Variants in MYCBP observed in about 807,000 individuals in gnomAD.
MYCBP encodes the protein MYC binding protein, also known as C-Myc-binding protein.
In MYCBP, 5 loss-of-function variants were observed where a neutral mutation model predicts 16.8. The ratio of observed to expected loss-of-function variants is 0.30; its 90% CI spans 0.16 to 0.63. The LOEUF (loss-of-function observed/expected upper bound fraction) is 0.63, where lower values mean the gene tolerates loss of function less well. MYCBP is among the 20% of genes least tolerant of loss of function. The probability of loss-of-function intolerance (pLI) is 0.83; values close to 1 mark genes in which losing one functional copy is unlikely to be tolerated. For missense variants in MYCBP, 103 were observed against 121.8 expected, an observed-to-expected ratio of 0.85 and a Z score of 0.73; for synonymous variants, 35 against 43.7, an observed-to-expected ratio of 0.80 and a Z score of 0.79.
At chr1:38,871,320 A>G (rs1271479453) in intron 2 of MYCBP, among the ~76,000 whole-genome samples, 2 of 106,866 alleles carry the variant, frequency 1.9e-5, no homozygotes, top group African/African-American at 5.1e-5. Flanking sequence ...GCCTCCTTAG[A>G]CTTCCTGAAA....
In MYCBP at chr1:38,869,081, G is replaced by T. The variant is rs868447192; in HGVS notation, c.89-1471C>A. ...CACTATTTTTTGAGAAATTCATTTG[G>T]TTTTTTTTTTTTGTTTTTTTTTTTG... On this transcript the variant is annotated intron_variant, in intron 2 of 4. Transcript: ENST00000397572. 5.3e-3 allele frequency among the ~76,000 whole-genome samples: 730 copies of T among 139,024 alleles called. 6 individuals are homozygous for T. The highest frequency in any genetic ancestry group is 0.017 in the African/African-American group (669 of 38,248). The allele number at this position is 139,024 out of a possible 152,430, so 91.2% of individuals were successfully genotyped here.
intron 2 of MYCBP, among the ~76,000 whole-genome samples, chr1:38,869,380 A>T (rs1472999733): frequency 6.6e-6 from 1 of 151,938 alleles, no homozygotes; most frequent in Non-Finnish European, 1.5e-5. Flanking sequence ...GAGCCACCAC[A>T]CCTGGCCAAA....
chr1:38,873,309 G>A lies in MYCBP; in HGVS notation c.-4C>T, dbSNP rs201490096. 2.5e-6 allele frequency: 4 copies of A among 1,602,180 alleles called. No individual in the cohort carries two copies. The highest frequency in any genetic ancestry group is 1.3e-5 in the African/African-American group (1 of 74,886). On this transcript the variant is annotated 5_prime_UTR_variant, in exon 1 of 5. Transcript: ENST00000397572. ...CCCTCACTTTGTAATGGGCCATAGT[G>A]ACAGCGGCAGCGGCGTAGCTGGCGC...
intron 2 of MYCBP, 37 bp from the exon 3 acceptor site, chr1:38,867,647 TATTA>T (rs1642368848): frequency 6.3e-7 from 1 of 1,592,964 alleles, no homozygotes; most frequent in African/African-American, 1.3e-5. Flanking sequence ...ACAATTGACG[TATTA>T]AATTTGAATG....
chr1:38,871,930 C>A (rs1035898540), intron 2 of MYCBP, among the ~76,000 whole-genome samples: 4 of 152,114 alleles, frequency 2.6e-5, no homozygotes, highest in African/African-American at 9.7e-5. Flanking sequence ...AGTTTTTAGA[C>A]GGAATGACAT....
chr1:38,873,362 C>T, upstream of MYCBP: 1 of 1,577,308 alleles, frequency 6.3e-7, no homozygotes, highest in Non-Finnish European at 8.6e-7. Flanking sequence ...GGGTTGGGAG[C>T]AGCACTGCTC....
At chr1:38,869,083 T>G (rs558076120) in intron 2 of MYCBP, among the ~76,000 whole-genome samples, 7 of 150,114 alleles carry the variant, frequency 4.7e-5, no homozygotes, top group Admixed American at 6.7e-5. Context: ...TTCATTTGGT[T>G]TTTTTTTTTT....
intron 2 of MYCBP, 88 bp from the exon 3 acceptor site, chr1:38,867,698 T>C (rs1050453224): frequency 8.9e-7 from 1 of 1,126,832 alleles, no homozygotes; most frequent in East Asian, 2.4e-5. Context: ...AAATATTAGG[T>C]GCCAACTATA....
chr1:38,870,022 T>C (rs921091135), intron 2 of MYCBP, among the ~76,000 whole-genome samples: 18 of 151,580 alleles, frequency 1.2e-4, no homozygotes, highest in African/African-American at 4.1e-4. Flanking sequence ...CAAAAAAAAT[T>C]AGCCGGGCAT....
chr1:38,870,822 AAAAAAAC>A (rs1642447853), intron 2 of MYCBP, among the ~76,000 whole-genome samples: 2 of 150,044 alleles, frequency 1.3e-5, no homozygotes, highest in Non-Finnish European at 1.5e-5. Flanking sequence ...AAAAAAAAAA[AAAAAAAC>A]AAATAGAATT....
Position 38,863,127 on chromosome 1 carries a change from TAA to T in MYCBP, c.*1541_*1542del, listed in dbSNP as rs1363231884. ...CCCATGTAGGAGGCACTCAAATTGG[TAA>T]AAGAGAAATCTATGCAAGGGAATGA... On this transcript the variant is annotated 3_prime_UTR_variant, in exon 5 of 5. Transcript: ENST00000397572. 6.6e-6 allele frequency: 1 copy of T among 152,198 alleles called. No individual in the cohort carries two copies. The highest frequency in any genetic ancestry group is 1.5e-5 in the Non-Finnish European group (1 of 68,050). The allele number at this position is 152,198 out of a possible 1,614,324, so 9.4% of individuals were successfully genotyped here. A position where few individuals can be genotyped will look rare whatever the true frequency, so the allele number is the denominator to read the frequency against.
intron 1 of MYCBP, 77 bp downstream of exon 1, chr1:38,873,214 C>G: frequency 3.2e-6 from 5 of 1,575,474 alleles, no homozygotes; most frequent in Non-Finnish European, 4.3e-6. Flanking sequence ...CCTGCGCGCG[C>G]GACCCCACTC....
At position 38,862,541 on chromosome 1, in the gene MYCBP, T is replaced by C. The variant is rs1642264205; in HGVS notation, c.*2129A>G. Among the ~76,000 whole-genome samples, 1 of 152,196 alleles carries C rather than the reference T, an allele frequency of 6.6e-6. No homozygotes were observed. Among genetic ancestry groups the C allele is most frequent in the Admixed American group, 6.5e-5 (1 of 15,282 alleles). ...TGATTCTTACAACCAACTTGTGAGA[T>C]AGGCAAGATGTGAAGTCGATATTTT... On this transcript the variant is annotated 3_prime_UTR_variant, in exon 5 of 5. Coordinates refer to ENST00000397572, the MANE Select transcript of MYCBP (RefSeq NM_012333.5).
At chr1:38,865,426 T>C (rs1053177090) in intron 4 of MYCBP, among the ~76,000 whole-genome samples, 2 of 152,176 alleles carry the variant, frequency 1.3e-5, no homozygotes, top group African/African-American at 2.4e-5. Context: ...AAATACATTA[T>C]GTGATTAAGA....
Position 38,873,298 on chromosome 1 carries a change from T to C in MYCBP, c.8A>G (p.His3Arg). Reference sequence around the variant, plus strand: ...ACGCCGCGCCCCCCTCACTTTGTAATGGGCCATAGTGACAGCGGCAGCGGC... The same window carrying C: ...ACGCCGCGCCCCCCTCACTTTGTAACGGGCCATAGTGACAGCGGCAGCGGC... MA[H>R]YKAADSKREQ... The change falls in exon 1 of 5, where the codon CAT (histidine) becomes CGT (arginine). Residue 3 changes from histidine (H) to arginine (R), a missense_variant. Transcript: ENST00000397572. 1 of 1,603,088 alleles carries C rather than the reference T, an allele frequency of 6.2e-7. No individual in the cohort carries two copies. The highest frequency in any genetic ancestry group is 2.2e-5 in the East Asian group (1 of 44,834).
At chr1:38,867,525 T>G (rs748050553) in intron 3 of MYCBP, 37 bp downstream of exon 3, 2 of 1,552,440 alleles carry the variant, frequency 1.3e-6, no homozygotes, top group South Asian at 2.3e-5. Flanking sequence ...AAAATAAGAG[T>G]TTCAAAATAA....
intron 4 of MYCBP, 57 bp from the exon 5 acceptor site, chr1:38,864,771 T>C: frequency 6.6e-7 from 1 of 1,524,992 alleles, no homozygotes; most frequent in Non-Finnish European, 9.1e-7. Flanking sequence ...GAGTAAAAAA[T>C]AGTAAAACAA....
chr1:38,872,916 ATC>A, intron 2 of MYCBP, 100 bp downstream of exon 2: 1 of 1,362,396 alleles, frequency 7.3e-7, no homozygotes, highest in Non-Finnish European at 1.0e-6. Context: ...GACGGGCCCC[ATC>A]TGTTTCCCCT....
intron 2 of MYCBP, chr1:38,872,534 G>C (rs1392049614): frequency 6.2e-6 from 1 of 160,156 alleles, no homozygotes; most frequent in African/African-American, 2.4e-5. Flanking sequence ...AGGAATGGGG[G>C]CTGAAAAGCC....
Sources: allele counts gnomAD v4.1 joint callset (sites outside exome capture counted in the v4.1 genomes callset), GRCh38; gene constraint gnomAD v4.1.1; transcripts MANE v1.5; gene names NCBI Gene and HGNC (gene_info 2026-07-23, HGNC 2026-07-21).